Variants in LEKR1 observed in about 807,000 individuals in gnomAD.
LEKR1 encodes the protein protein LEKR1.
In LEKR1, 59 loss-of-function variants were observed where a neutral mutation model predicts 72.4. The observed-to-expected ratio is 0.82, with a 90% CI of 0.66 to 1.01. The LOEUF (loss-of-function observed/expected upper bound fraction) is 1.01, where lower values mean the gene tolerates loss of function less well. LEKR1 is among the 50% of genes least tolerant of loss of function. The pLI, the probability that LEKR1 is intolerant of heterozygous loss-of-function variation, is 0.00. For missense variants in LEKR1, 728 were observed against 759.2 expected, an observed-to-expected ratio of 0.96 and a Z score of 0.48; for synonymous variants, 257 against 263.2, an observed-to-expected ratio of 0.98 and a Z score of 0.23.
chr3:156,924,268 A>G (rs1392699532), intron 4 of LEKR1, among the ~76,000 whole-genome samples: 4 of 152,170 alleles, frequency 2.6e-5, no homozygotes, highest in African/African-American at 7.2e-5. Flanking sequence ...AATCATTTGT[A>G]TATCTTACTA....
chr3:156,857,508 G>A (rs1319689634), intron 3 of LEKR1, among the ~76,000 whole-genome samples: 2 of 152,112 alleles, frequency 1.3e-5, no homozygotes, highest in Non-Finnish European at 2.9e-5. Context: ...TTGGATAAAA[G>A]CATTGGATAA....
At chr3:157,011,820 T>C (rs1377072231) in intron 10 of LEKR1, among the ~76,000 whole-genome samples, 1 of 152,168 alleles carries the variant, frequency 6.6e-6, no homozygotes, top group Non-Finnish European at 1.5e-5. Context: ...CATTTGATCA[T>C]ATTCTTAAAA....
chr3:156,855,256 T>TA (rs1002648243), intron 3 of LEKR1, among the ~76,000 whole-genome samples: 3 of 152,214 alleles, frequency 2.0e-5, no homozygotes, highest in African/African-American at 7.2e-5. Context: ...AGCATTAACT[T>TA]ACATTTGGCC....
Position 157,045,682 on chromosome 3 carries a change from G to C in LEKR1, c.2011G>C (p.Ala671Pro). The C allele has an allele frequency of 6.2e-7, 1 of 1,613,766 alleles. No homozygotes were observed. Among genetic ancestry groups the C allele is most frequent in the Non-Finnish European group, 8.5e-7 (1 of 1,179,998 alleles). ...CCAGCCACATCCTCCCAGGGGTGGA[G>C]CATCTTCAGCAAATGAGACTAGACA... ...LPQPHPPRGGASSANETRQRL... is the reference protein window; with the variant it reads ...LPQPHPPRGGPSSANETRQRL... Residue 671 changes from alanine to proline, a missense_variant, in exon 13 of 13, where the codon GCA (alanine) becomes CCA (proline). Physicochemically the swap from Ala to Pro is conservative, Grantham distance 27. Coordinates refer to ENST00000356539, the MANE Select transcript of LEKR1 (RefSeq NM_001004316.3).
rs1009903415 is a variant in LEKR1 at position 156,889,003 on chromosome 3, C to T, written c.264-31572C>T. Among the ~76,000 whole-genome samples the T allele has an allele frequency of 2.0e-5, 3 of 151,938 alleles. No homozygotes were observed. The East Asian group carries it at 5.8e-4, about 29-fold the overall frequency. ...ATTTCTTTATTAATAATCTTGTTTT[C>T]TTTGGCTAGATATTGTATTCACTCA... On this transcript the variant is annotated intron_variant, in intron 3 of 12. Transcript: ENST00000356539.
intron 5 of LEKR1, among the ~76,000 whole-genome samples, chr3:156,931,545 A>C (rs1370716946): frequency 6.6e-6 from 1 of 152,184 alleles, no homozygotes; most frequent in African/African-American, 2.4e-5. Flanking sequence ...TTATATGAGA[A>C]TATTCAGCAA....
At chr3:156,904,249 A>G (rs1204215183) in intron 3 of LEKR1, among the ~76,000 whole-genome samples, 2 of 152,174 alleles carry the variant, frequency 1.3e-5, no homozygotes, top group African/African-American at 4.8e-5. Context: ...AGTATTTAAG[A>G]CAATGTTTTA....
chr3:156,983,122 G>A (rs1730378589), intron 7 of LEKR1, among the ~76,000 whole-genome samples: 1 of 152,054 alleles, frequency 6.6e-6, no homozygotes, highest in Non-Finnish European at 1.5e-5. Flanking sequence ...CCAGGATAAA[G>A]ATAGATAAAT....
chr3:156,899,506 GTA>G (rs1321125524), intron 3 of LEKR1, among the ~76,000 whole-genome samples: 1 of 73,674 alleles, frequency 1.4e-5, no homozygotes, highest in African/African-American at 7.4e-5. Context: ...ATATATACAT[GTA>G]TATATACATA....
intron 6 of LEKR1, among the ~76,000 whole-genome samples, chr3:156,978,475 A>G (rs1729895872): frequency 2.6e-5 from 4 of 152,192 alleles, no homozygotes; most frequent in South Asian, 4.1e-4. Context: ...AAGGGCTGTC[A>G]CTGGGGCTGG....
At chr3:156,857,794 T>C (rs1560029849) in intron 3 of LEKR1, among the ~76,000 whole-genome samples, 1 of 152,214 alleles carries the variant, frequency 6.6e-6, no homozygotes, top group Non-Finnish European at 1.5e-5. Context: ...CTGCTAATAT[T>C]TTACATAGCT....
At chr3:156,869,624 G>T in intron 3 of LEKR1, among the ~76,000 whole-genome samples, 1 of 151,614 alleles carries the variant, frequency 6.6e-6, no homozygotes, top group East Asian at 1.9e-4. Flanking sequence ...TCAGACAAAT[G>T]GATTGCAGGT....
intron 6 of LEKR1, among the ~76,000 whole-genome samples, chr3:156,961,873 A>G (rs1021636816): frequency 3.9e-5 from 6 of 152,262 alleles, no homozygotes; most frequent in African/African-American, 1.2e-4. Context: ...AGAACTATAT[A>G]TTCAAATGTA....
intron 6 of LEKR1, among the ~76,000 whole-genome samples, chr3:156,956,359 A>G (rs1271045772): frequency 6.6e-6 from 1 of 152,026 alleles, no homozygotes; most frequent in East Asian, 1.9e-4. Flanking sequence ...AAAGCCTGGA[A>G]GTGAAAATCC....
chr3:156,828,689 A>C (rs1711973283), intron 1 of LEKR1, among the ~76,000 whole-genome samples: 1 of 152,224 alleles, frequency 6.6e-6, no homozygotes, highest in Non-Finnish European at 1.5e-5. Flanking sequence ...TAGAAAAAGA[A>C]AATCTGTTAA....
chr3:157,000,614 ATCTT>A (rs1365498775), intron 9 of LEKR1, among the ~76,000 whole-genome samples: 1 of 152,160 alleles, frequency 6.6e-6, no homozygotes, highest in Non-Finnish European at 1.5e-5. Flanking sequence ...CCTCTCTTTC[ATCTT>A]TCTTTAGATT....
chr3:156,877,696 G>A (rs1269669025), intron 3 of LEKR1, among the ~76,000 whole-genome samples: 1 of 151,822 alleles, frequency 6.6e-6, no homozygotes, highest in Admixed American at 6.6e-5. Flanking sequence ...GGCTTATTTG[G>A]TTCTTCTCTC....
chr3:156,848,751 A>C (rs555013768), intron 2 of LEKR1, among the ~76,000 whole-genome samples: 17 of 152,358 alleles, frequency 1.1e-4, no homozygotes, highest in Admixed American at 8.5e-4. Context: ...TTAAAATCAG[A>C]GAGTGAGATA....
intron 3 of LEKR1, among the ~76,000 whole-genome samples, chr3:156,883,016 G>C (rs534811775): frequency 2.6e-5 from 4 of 151,968 alleles, no homozygotes; most frequent in South Asian, 4.2e-4. Context: ...TTGGGGGGAG[G>C]GGGGAGAGAT....
Sources: gnomAD v4.1 joint callset for allele counts (sites outside exome capture counted in the v4.1 genomes callset) on GRCh38, gnomAD v4.1.1 for gene constraint, MANE v1.5 for transcripts, NCBI Gene and HGNC (gene_info 2026-07-23, HGNC 2026-07-21) for gene names.